Variants in ENPP3 observed in about 807,000 individuals in gnomAD.
The protein encoded by ENPP3 is ectonucleotide pyrophosphatase/phosphodiesterase 3.
A neutral mutation model predicts 117.8 loss-of-function variants in ENPP3; 104 were observed. That is an observed-to-expected ratio of 0.88 (90% CI 0.75 to 1.04). ENPP3 has a LOEUF of 1.04. Ranked by LOEUF, ENPP3 falls within the 50% of genes least tolerant of loss-of-function variation. The probability of loss-of-function intolerance (pLI) is 0.00; values close to 1 mark genes in which losing one functional copy is unlikely to be tolerated. For missense variants in ENPP3, 1,026 were observed against 1,051.9 expected, an observed-to-expected ratio of 0.98 and a Z score of 0.34; for synonymous variants, 380 against 349.9, an observed-to-expected ratio of 1.09 and a Z score of -0.96.
At chr6:131,721,692 C>A (rs1396662890) in intron 17 of ENPP3, among the ~76,000 whole-genome samples, 1 of 151,672 alleles carries the variant, frequency 6.6e-6, no homozygotes, top group Admixed American at 6.6e-5. Flanking sequence ...TTAAAAGTGT[C>A]TATCTTTAGA....
intron 15 of ENPP3, among the ~76,000 whole-genome samples, chr6:131,695,201 T>TATATAA (rs1277396134): frequency 2.0e-5 from 3 of 152,148 alleles, no homozygotes; most frequent in African/African-American, 7.2e-5. Flanking sequence ...AGGTATGTAA[T>TATATAA]ATATAAATAA....
chr6:131,733,546 C>A, intron 20 of ENPP3, 42 bp from the exon 21 acceptor site: 5 of 1,593,430 alleles, frequency 3.1e-6, no homozygotes, highest in Non-Finnish European at 3.4e-6. Flanking sequence ...ATGGGTGAGC[C>A]GCAATTGTGG....
At chr6:131,692,942 A>G (rs931810343) in intron 14 of ENPP3, among the ~76,000 whole-genome samples, 210 of 145,962 alleles carry the variant, frequency 1.4e-3, no homozygotes, top group Non-Finnish European at 2.3e-3. Context: ...ATATATAGTT[A>G]TATATTATAC....
intron 15 of ENPP3, chr6:131,700,973 G>A (rs1416933786): frequency 2.4e-5 from 14 of 593,698 alleles, no homozygotes; most frequent in Admixed American, 1.1e-4. Context: ...AAGTCACCGC[G>A]AGGGTGATGC....
At chr6:131,744,925 A>G (rs1171694759) in intron 24 of ENPP3, among the ~76,000 whole-genome samples, 1 of 152,166 alleles carries the variant, frequency 6.6e-6, no homozygotes, top group East Asian at 1.9e-4. Flanking sequence ...GCAGTTGTCT[A>G]CAGCTGGCTT....
At chr6:131,641,368 TAGAG>T (rs1385806624) in intron 1 of ENPP3, 83 bp from the exon 2 acceptor site, 1 of 797,880 alleles carries the variant, frequency 1.3e-6, no homozygotes, top group Non-Finnish European at 2.1e-6. Context: ...TGCAGGTACT[TAGAG>T]AGAATACTGA....
intron 1 of ENPP3, chr6:131,638,590 T>C: frequency 2.6e-6 from 1 of 379,406 alleles, no homozygotes; most frequent in Non-Finnish European, 5.1e-6. Flanking sequence ...AGTTTTTTTC[T>C]TTCTTTTCTT....
At chr6:131,644,240 T>C (rs1283449784) in intron 2 of ENPP3, among the ~76,000 whole-genome samples, 1 of 152,238 alleles carries the variant, frequency 6.6e-6, no homozygotes, top group Non-Finnish European at 1.5e-5. Flanking sequence ...ACTTTCATTC[T>C]GAGTGTGACA....
At chr6:131,722,611 A>G (rs1318313968) in intron 18 of ENPP3, among the ~76,000 whole-genome samples, 2 of 152,228 alleles carry the variant, frequency 1.3e-5, no homozygotes, top group Admixed American at 6.5e-5. Context: ...AATATGCTTT[A>G]TAAACTGGAA....
At chr6:131,710,792 G>T (rs370201836) in intron 15 of ENPP3, 10 of 1,613,326 alleles carry the variant, frequency 6.2e-6, no homozygotes, top group Non-Finnish European at 8.5e-6. Context: ...CCAAGTTTTT[G>T]CTCTCTTCCC....
chr6:131,695,840 T>C (rs2114459283), intron 15 of ENPP3, among the ~76,000 whole-genome samples: 1 of 152,032 alleles, frequency 6.6e-6, no homozygotes, highest in East Asian at 1.9e-4. Context: ...TGCTTGAACC[T>C]GGGAGGCGGA....
intron 8 of ENPP3, among the ~76,000 whole-genome samples, chr6:131,674,570 CT>C (rs551650421): frequency 4.0e-4 from 58 of 144,160 alleles, no homozygotes; most frequent in Middle Eastern, 3.6e-3. Context: ...TTTTGTAAGT[CT>C]TTTTTTTTTT....
chr6:131,664,971 A>C (rs1394007141), intron 6 of ENPP3, among the ~76,000 whole-genome samples: 1 of 152,078 alleles, frequency 6.6e-6, no homozygotes, highest in African/African-American at 2.4e-5. Context: ...AGGGTGTTGA[A>C]TTTTATCAAA....
chr6:131,656,052 T>C (rs1778378087), intron 5 of ENPP3, among the ~76,000 whole-genome samples: 1 of 152,214 alleles, frequency 6.6e-6, no homozygotes, highest in Admixed American at 6.5e-5. Context: ...TATGCTAGTG[T>C]TCTCTTTGCC....
chr6:131,654,040 G>A (rs1778323007), intron 5 of ENPP3, among the ~76,000 whole-genome samples: 1 of 152,060 alleles, frequency 6.6e-6, no homozygotes. Context: ...AATGGTGGAA[G>A]GGTGGATGAA....
rs1441025138 is a variant in ENPP3 at position 131,674,218 on chromosome 6, C to T, written c.699C>T (p.Leu233=). ...ACAATAATATGTATGATGTAAATCT[C>T]AACAAGAATTTTTCACTTTCTTCAA... ...IIDNNMYDVN[L]NKNFSLSSKE... Residue 233 remains leucine (L), a synonymous_variant, in exon 8 of 25, where the codon CTC becomes CTT. Coordinates refer to ENST00000357639, the MANE Select transcript of ENPP3 (RefSeq NM_005021.5). 6.2e-7 allele frequency: 1 copy of T among 1,604,278 alleles called. No individual in the cohort carries two copies. Among genetic ancestry groups the T allele is most frequent in the Non-Finnish European group, 8.5e-7 (1 of 1,171,388 alleles).
intron 15 of ENPP3, among the ~76,000 whole-genome samples, chr6:131,714,100 A>G (rs1171509788): frequency 6.6e-6 from 1 of 151,974 alleles, no homozygotes; most frequent in African/African-American, 2.4e-5. Flanking sequence ...ATTTCATGTA[A>G]TTTATTGAAT....
At chr6:131,721,243 C>T (rs1232308216) in intron 17 of ENPP3, among the ~76,000 whole-genome samples, 1 of 152,188 alleles carries the variant, frequency 6.6e-6, no homozygotes, top group Non-Finnish European at 1.5e-5. Context: ...TGCAATTTCG[C>T]TGTTAGCTTT....
intron 2 of ENPP3, 86 bp from the exon 3 acceptor site, chr6:131,649,941 G>T: frequency 7.1e-7 from 1 of 1,404,388 alleles, no homozygotes; most frequent in South Asian, 1.2e-5. Context: ...AGTCTGTGCT[G>T]TGTACTTCCT....
Sources: allele counts gnomAD v4.1 joint callset (sites outside exome capture counted in the v4.1 genomes callset), GRCh38; gene constraint gnomAD v4.1.1; transcripts MANE v1.5; gene names NCBI Gene and HGNC (gene_info 2026-07-23, HGNC 2026-07-21).